The following SARS1 variants were observed in gnomAD, a reference collection of about 807,000 sequenced individuals.
SARS1 encodes seryl-tRNA synthetase 1, also known as serine--tRNA ligase, cytoplasmic.
In SARS1, 25 loss-of-function variants were observed where a neutral mutation model predicts 63.7. That is an observed-to-expected ratio of 0.39 (90% CI 0.29 to 0.55). SARS1 has a LOEUF of 0.55. SARS1 is among the 20% of genes least tolerant of loss of function. SARS1 has a pLI of 0.62. For missense variants in SARS1, 417 were observed against 649.7 expected (o/e 0.64, Z 3.89); for synonymous variants, 231 against 243.5 (o/e 0.95, Z 0.48).
intron 9 of SARS1, chr1:109,236,934 T>A (rs631927): frequency 1 from 1,528,513 of 1,531,578 alleles, 762,774 homozygotes; most frequent in East Asian, 1. Flanking sequence ...CCAAGTCAGG[T>A]GCTTGAAAGG....
chr1:109,228,147 G>C lies in SARS1; in HGVS notation c.208-205G>C, dbSNP rs151005653. Reference sequence around the variant, plus strand: ...GATTTTAGGATCAAAAAGCTATTAAGTGGCAGCATAGGGAGGGGCTTGACA... The same window carrying C: ...GATTTTAGGATCAAAAAGCTATTAACTGGCAGCATAGGGAGGGGCTTGACA... On this transcript the variant is annotated intron_variant, in intron 2 of 10. Coordinates refer to ENST00000234677, the MANE Select transcript of SARS1 (RefSeq NM_006513.4). 2.5e-3 allele frequency among the ~76,000 whole-genome samples: 385 copies of C among 152,310 alleles called. 3 individuals are homozygous for C. The highest frequency in any genetic ancestry group is 4.0e-3 in the Non-Finnish European group (275 of 68,038).
At chr1:109,216,093 T>G in intron 1 of SARS1, 1 of 985,368 alleles carries the variant, frequency 1.0e-6, no homozygotes, top group Non-Finnish European at 1.2e-6. Flanking sequence ...ATGGAATTTA[T>G]GTTTTTTCCC....
intron 4 of SARS1, 25 bp from the exon 5 acceptor site, chr1:109,230,853 T>A: frequency 6.3e-7 from 1 of 1,581,266 alleles, no homozygotes. Flanking sequence ...GTCTTGTATG[T>A]CTCTTTCTTG....
At chr1:109,216,486 T>C (rs1654791825) in intron 1 of SARS1, 3 of 985,350 alleles carry the variant, frequency 3.0e-6, no homozygotes, top group Middle Eastern at 5.2e-4. Flanking sequence ...CTTGGGCATA[T>C]TTGTCTTGGC....
intron 3 of SARS1, among the ~76,000 whole-genome samples, chr1:109,229,116 A>G (rs528807101): frequency 6.6e-6 from 1 of 152,344 alleles, no homozygotes; most frequent in East Asian, 1.9e-4. Flanking sequence ...GAAAGTTCTC[A>G]TAAGAGAGCG....
chr1:109,225,158 T>G (rs1039806084), intron 2 of SARS1, among the ~76,000 whole-genome samples: 4 of 152,106 alleles, frequency 2.6e-5, no homozygotes, highest in Non-Finnish European at 5.9e-5. Context: ...TAGATAACTT[T>G]TACATTGTAA....
intron 2 of SARS1, among the ~76,000 whole-genome samples, chr1:109,226,683 T>TATATATATATACAC (rs1655089604): frequency 1.4e-4 from 6 of 41,648 alleles, no homozygotes; most frequent in Non-Finnish European, 3.2e-4. Flanking sequence ...AAAAAATATA[T>TATATATATATACAC]ATATATATAT....
intron 5 of SARS1, chr1:109,231,346 A>C (rs1027261559): frequency 3.4e-6 from 1 of 292,750 alleles, no homozygotes; most frequent in Admixed American, 5.1e-5. Context: ...CAAAGAATCA[A>C]AATCCACTGT....
chr1:109,226,736 ATATT>A (rs67264041), intron 2 of SARS1, among the ~76,000 whole-genome samples: 39,549 of 96,692 alleles, frequency 0.41, 8,688 homozygotes, highest in Middle Eastern at 0.61. Context: ...ACATATATAT[ATATT>A]TATTTATTTA....
chr1:109,215,394 G>A (rs1053264278), intron 1 of SARS1: 1 of 985,222 alleles, frequency 1.0e-6, no homozygotes, highest in African/African-American at 1.7e-5. Context: ...TAGTCTTTTG[G>A]GTATAATGTC....
chr1:109,219,143 G>A (rs1427311051), intron 1 of SARS1, among the ~76,000 whole-genome samples: 4 of 150,450 alleles, frequency 2.7e-5, no homozygotes, highest in African/African-American at 9.8e-5. Context: ...GCGGGCGCCT[G>A]TAGTCCCAGC....
chr1:109,228,368 G>T lies in SARS1; in HGVS notation c.224G>T (p.Gly75Val). 1 of 1,612,990 alleles carries T rather than the reference G, an allele frequency of 6.2e-7. No homozygotes were observed. The change falls in exon 3 of 11, where the codon GGA (glycine) becomes GTA (valine). Residue 75 changes from glycine to valine, a missense_variant. By Grantham distance (109) the Gly-to-Val change is moderately radical. Transcript: ENST00000234677. Reference sequence around the variant, plus strand: ...TTCCTGCAGAAAAAAGAGCCAGTGGGAGATGATGAGTCTGTCCCAGAGAAT... The same window carrying T: ...TTCCTGCAGAAAAAAGAGCCAGTGGTAGATGATGAGTCTGTCCCAGAGAAT... Reference protein sequence around the residue: ...GEKMKKKEPVGDDESVPENVL... With the variant: ...GEKMKKKEPVVDDESVPENVL...
At chr1:109,232,659 T>G (rs190006945) in intron 6 of SARS1, among the ~76,000 whole-genome samples, 1 of 152,338 alleles carries the variant, frequency 6.6e-6, no homozygotes, top group African/African-American at 2.4e-5. Flanking sequence ...GTGCTCTCCC[T>G]AAACCCTGAG....
intron 1 of SARS1, among the ~76,000 whole-genome samples, chr1:109,220,663 T>G (rs997713041): frequency 2.6e-5 from 4 of 152,238 alleles, no homozygotes; most frequent in African/African-American, 4.8e-5. Context: ...GTGGCTTGCC[T>G]TTTCATTCTT....
chr1:109,218,660 G>C (rs2101183253), intron 1 of SARS1, among the ~76,000 whole-genome samples: 1 of 152,212 alleles, frequency 6.6e-6, no homozygotes, highest in East Asian at 1.9e-4. Flanking sequence ...CTTTGCTCTA[G>C]CTTATTGCTA....
intron 1 of SARS1, chr1:109,215,871 AT>A (rs113393197): frequency 0.021 from 6,245 of 304,316 alleles, no homozygotes; most frequent in Non-Finnish European, 0.027. Context: ...CACCCAGCTA[AT>A]TTTTTTTTTT....
intron 1 of SARS1, among the ~76,000 whole-genome samples, chr1:109,218,290 C>T (rs1201170534): frequency 6.6e-6 from 1 of 151,334 alleles, no homozygotes; most frequent in Admixed American, 6.6e-5. Context: ...TTGCTTGAAC[C>T]CGGGAAGCGG....
chr1:109,222,251 G>C (rs1231388256), intron 1 of SARS1, among the ~76,000 whole-genome samples: 1 of 151,506 alleles, frequency 6.6e-6, no homozygotes. Flanking sequence ...CAGGAAGTTG[G>C]AAAAATAGTA....
chr1:109,221,990 ATATATATATATATATATATATTTTT>A (rs1654943196), intron 1 of SARS1, among the ~76,000 whole-genome samples: 1 of 6,368 alleles, frequency 1.6e-4, no homozygotes, highest in African/African-American at 5.1e-4. Context: ...ATATATATAT[ATATATATATATATATATATATTTTT>A]TTTTTTTTTT....
Sources: allele counts gnomAD v4.1 joint callset (sites outside exome capture counted in the v4.1 genomes callset), GRCh38; gene constraint gnomAD v4.1.1; transcripts MANE v1.5; gene names NCBI Gene and HGNC (gene_info 2026-07-23, HGNC 2026-07-21).